The following CNGB1 variants were observed in gnomAD, a reference collection of about 807,000 sequenced individuals.
CNGB1 encodes the protein cyclic nucleotide-gated channel beta-1.
In CNGB1, 126 loss-of-function variants were observed where a neutral mutation model predicts 151.7. The observed-to-expected ratio is 0.83, with a 90% CI of 0.72 to 0.96. CNGB1 has a LOEUF of 0.96. CNGB1 is among the 40% of genes least tolerant of loss of function. The probability of loss-of-function intolerance (pLI) is 0.00; values close to 1 mark genes in which losing one functional copy is unlikely to be tolerated. For synonymous variants in CNGB1, 623 were observed against 635.1 expected, an observed-to-expected ratio of 0.98 and a Z score of 0.29; for missense variants, 1,698 against 1,627.0, an observed-to-expected ratio of 1.04 and a Z score of -0.75.
At chr16:57,884,674 G>A (rs1256363102) in intron 32 of CNGB1, among the ~76,000 whole-genome samples, 6 of 152,092 alleles carry the variant, frequency 3.9e-5, no homozygotes, top group African/African-American at 1.4e-4. Flanking sequence ...GTCCCGGTTG[G>A]ATTTCGTGGA....
intron 14 of CNGB1, among the ~76,000 whole-genome samples, chr16:57,948,693 C>T (rs138265602): frequency 0.013 from 1,974 of 152,282 alleles, 38 homozygotes; most frequent in Non-Finnish European, 0.018. Context: ...ACCTCTCCTG[C>T]TCCTAACTCC....
Position 57,883,068 on chromosome 16 carries a change from T to A in CNGB1, c.*1096A>T, listed in dbSNP as rs539172536. 6.6e-6 allele frequency: 1 copy of A among 152,182 alleles called. No homozygotes were observed. The highest frequency in any genetic ancestry group is 1.5e-5 in the Non-Finnish European group (1 of 68,044). The allele number at this position is 152,182 out of a possible 1,614,324, so 9.4% of individuals were successfully genotyped here. A position where few individuals can be genotyped will look rare whatever the true frequency, so the allele number is the denominator to read the frequency against. On this transcript the variant is annotated 3_prime_UTR_variant, in exon 33 of 33. Transcript: ENST00000251102. ...ACGCTAGCAGCTCCTGGCCAGTAAG[T>A]CCATTTCCCTTCTATCTGTTCTGAG...
intron 1 of CNGB1, among the ~76,000 whole-genome samples, chr16:57,970,709 G>A (rs1272470684): frequency 1.3e-5 from 2 of 152,024 alleles, no homozygotes; most frequent in African/African-American, 2.4e-5. Flanking sequence ...TCTTTCACCC[G>A]TGTCCCTGCT....
intron 14 of CNGB1, chr16:57,946,289 A>G (rs1961807588): frequency 6.6e-6 from 1 of 152,494 alleles, no homozygotes; most frequent in African/African-American, 2.4e-5. Context: ...CCCCAACATT[A>G]AGGTCCTCAC....
chr16:57,913,827 A>T (rs1287627093), intron 23 of CNGB1, among the ~76,000 whole-genome samples: 1 of 152,156 alleles, frequency 6.6e-6, no homozygotes, highest in Non-Finnish European at 1.5e-5. Context: ...TTACATATGA[A>T]GTATGTATTA....
chr16:57,968,842 C>T (rs1962462422), intron 1 of CNGB1, among the ~76,000 whole-genome samples: 1 of 130,464 alleles, frequency 7.7e-6, no homozygotes, highest in Non-Finnish European at 1.6e-5. Context: ...CTGTGGGCAA[C>T]ATATCAAGAC....
intron 11 of CNGB1, among the ~76,000 whole-genome samples, chr16:57,958,196 A>T (rs1962138683): frequency 6.6e-6 from 1 of 151,886 alleles, no homozygotes; most frequent in Admixed American, 6.6e-5. Flanking sequence ...CTGCTCCCCC[A>T]CGGAAGCACC....
intron 32 of CNGB1, 88 bp from the exon 33 acceptor site, chr16:57,884,545 T>G: frequency 6.8e-7 from 1 of 1,478,870 alleles, no homozygotes; most frequent in South Asian, 1.2e-5. Context: ...CCAGCCTTTT[T>G]GGACCCCCAA....
chr16:57,889,831 C>T (rs1435532759), intron 31 of CNGB1, among the ~76,000 whole-genome samples: 11 of 152,138 alleles, frequency 7.2e-5, no homozygotes, highest in South Asian at 2.1e-4. Flanking sequence ...GATTACAAAA[C>T]GACATTGCAT....
intron 16 of CNGB1, among the ~76,000 whole-genome samples, chr16:57,932,715 C>T (rs993433868): frequency 8.6e-5 from 13 of 151,466 alleles, no homozygotes; most frequent in African/African-American, 2.2e-4. Flanking sequence ...CAATTAGCTG[C>T]GAATACAGGC....
chr16:57,898,295 G>A (rs1960289739), intron 29 of CNGB1, among the ~76,000 whole-genome samples: 2 of 152,060 alleles, frequency 1.3e-5, no homozygotes, highest in South Asian at 4.1e-4. Flanking sequence ...ATCAAATGAT[G>A]TCTACACCTG....
chr16:57,934,888 C>T (rs1961462578), intron 16 of CNGB1, among the ~76,000 whole-genome samples: 1 of 149,132 alleles, frequency 6.7e-6, no homozygotes, highest in Non-Finnish European at 1.5e-5. Context: ...ACCCGGGAGG[C>T]GGAGCTTGCA....
At chr16:57,937,678 C>T (rs763229532) in intron 16 of CNGB1, among the ~76,000 whole-genome samples, 1 of 152,152 alleles carries the variant, frequency 6.6e-6, no homozygotes, top group African/African-American at 2.4e-5. Flanking sequence ...CCCAAGAAAC[C>T]CAGGACTCGA....
chr16:57,960,633 G>C, intron 8 of CNGB1, 103 bp from the exon 9 acceptor site: 3 of 1,466,898 alleles, frequency 2.0e-6, no homozygotes. Flanking sequence ...GGTGAGCCGG[G>C]GATGGGGGTG....
chr16:57,919,336 C>G, intron 19 of CNGB1, 82 bp from the exon 20 acceptor site: 1 of 1,610,158 alleles, frequency 6.2e-7, no homozygotes, highest in Non-Finnish European at 8.5e-7. Flanking sequence ...CAACTGCAGA[C>G]CTTGGATCCA....
chr16:57,968,899 T>C (rs2149391042), intron 1 of CNGB1, among the ~76,000 whole-genome samples: 1 of 146,522 alleles, frequency 6.8e-6, no homozygotes, highest in South Asian at 2.2e-4. Context: ...GTTATGGTGG[T>C]GTGCACCTGT....
chr16:57,910,309 A>C (rs1398096529), intron 25 of CNGB1, among the ~76,000 whole-genome samples: 1 of 152,200 alleles, frequency 6.6e-6, no homozygotes, highest in Non-Finnish European at 1.5e-5. Flanking sequence ...CCCTTATCAT[A>C]ACCCAGACAT....
chr16:57,927,090 G>A (rs1279568761), intron 17 of CNGB1, among the ~76,000 whole-genome samples: 7 of 152,210 alleles, frequency 4.6e-5, no homozygotes, highest in African/African-American at 1.7e-4. Flanking sequence ...CCCCAGCACT[G>A]CCTGTGTCTG....
At chr16:57,967,514 C>T (rs574472662) in intron 1 of CNGB1, among the ~76,000 whole-genome samples, 98 of 152,218 alleles carry the variant, frequency 6.4e-4, no homozygotes, top group African/African-American at 2.3e-3. Context: ...GGCAAGACAG[C>T]GAGACCCTCG....
Sources: allele counts gnomAD v4.1 joint callset (sites outside exome capture counted in the v4.1 genomes callset), GRCh38; gene constraint gnomAD v4.1.1; transcripts MANE v1.5; gene names NCBI Gene and HGNC (gene_info 2026-07-23, HGNC 2026-07-21).